The following MMD2 variants were observed in gnomAD, a reference collection of about 807,000 sequenced individuals.
MMD2 encodes the protein monocyte to macrophage differentiation factor 2.
A neutral mutation model predicts 33.5 loss-of-function variants in MMD2; 30 were observed. That is an observed-to-expected ratio of 0.90 (90% CI 0.67 to 1.22). The LOEUF is 1.22. Ranked by LOEUF, MMD2 falls within the 50% of genes most tolerant of loss-of-function variation. The pLI, the probability that MMD2 is intolerant of heterozygous loss-of-function variation, is 0.00. For missense variants in MMD2, 364 were observed against 325.4 expected (o/e 1.12, Z -0.91); for synonymous variants, 129 against 123.0 (o/e 1.05, Z -0.32).
intron 1 of MMD2, among the ~76,000 whole-genome samples, chr7:4,933,114 G>A (rs1483303429): frequency 2.6e-5 from 4 of 151,940 alleles, no homozygotes; most frequent in African/African-American, 9.7e-5. Context: ...GGCAGCTCAC[G>A]CCTGTAATCC....
intron 1 of MMD2, among the ~76,000 whole-genome samples, chr7:4,949,947 T>C (rs1786194437): frequency 1.3e-5 from 2 of 152,366 alleles, no homozygotes; most frequent in South Asian, 4.1e-4. Flanking sequence ...ACAAATGACC[T>C]GCCCACGTTA....
intron 3 of MMD2, 106 bp from the exon 4 acceptor site, chr7:4,916,185 G>C (rs1315584075): frequency 2.9e-6 from 3 of 1,017,056 alleles, no homozygotes; most frequent in Non-Finnish European, 4.5e-6. Context: ...CAGGTTAGCA[G>C]GGCTGGGCTC....
the MMD2 span, among the ~76,000 whole-genome samples, chr7:4,893,537 A>T: frequency 2.6e-5 from 4 of 151,930 alleles, no homozygotes; most frequent in African/African-American, 7.3e-5. Context: ...GATTACAGAC[A>T]TGCACCACCA....
intron 1 of MMD2, among the ~76,000 whole-genome samples, chr7:4,927,031 A>T (rs1473163947): frequency 6.6e-6 from 1 of 151,826 alleles, no homozygotes; most frequent in Non-Finnish European, 1.5e-5. Flanking sequence ...GGCGTGAGCC[A>T]CCGCGCCCGG....
chr7:4,955,532 G>A (rs1465501195), intron 1 of MMD2, among the ~76,000 whole-genome samples: 1 of 152,030 alleles, frequency 6.6e-6, no homozygotes, highest in Non-Finnish European at 1.5e-5. Context: ...AATTCAGACG[G>A]GCTGTAAGTA....
At chr7:4,938,490 T>G (rs763436415) in intron 1 of MMD2, among the ~76,000 whole-genome samples, 1 of 152,110 alleles carries the variant, frequency 6.6e-6, no homozygotes, top group Non-Finnish European at 1.5e-5. Context: ...AAGCCACTAA[T>G]GCCTCACCCT....
chr7:4,931,022 T>C (rs1044777892), intron 1 of MMD2, among the ~76,000 whole-genome samples: 1 of 152,108 alleles, frequency 6.6e-6, no homozygotes, highest in Non-Finnish European at 1.5e-5. Flanking sequence ...GGCTATTTTT[T>C]GTATTTTTAG....
intron 1 of MMD2, among the ~76,000 whole-genome samples, chr7:4,925,912 C>G (rs1191592713): frequency 6.6e-6 from 1 of 152,172 alleles, no homozygotes; most frequent in Admixed American, 6.6e-5. Context: ...CTCCCAAGTT[C>G]AAGCAATTCT....
intron 1 of MMD2, among the ~76,000 whole-genome samples, chr7:4,953,555 C>T (rs1786307241): frequency 6.6e-6 from 1 of 150,944 alleles, no homozygotes; most frequent in Admixed American, 6.7e-5. Context: ...ACTGCAACCT[C>T]TGCCTCCCAA....
At chr7:4,944,698 T>C (rs1035258327) in intron 1 of MMD2, among the ~76,000 whole-genome samples, 4 of 152,048 alleles carry the variant, frequency 2.6e-5, no homozygotes, top group African/African-American at 9.7e-5. Context: ...CTTCTGGTCT[T>C]TTCAGTCCTG....
At chr7:4,895,164 G>A in the MMD2 span, among the ~76,000 whole-genome samples, 2 of 148,668 alleles carry the variant, frequency 1.3e-5, no homozygotes, top group Admixed American at 6.8e-5. Context: ...TGCAACCTCC[G>A]CTCCCAGGTT....
At chr7:4,926,920 A>AT (rs1465826622) in intron 1 of MMD2, among the ~76,000 whole-genome samples, 2 of 151,500 alleles carry the variant, frequency 1.3e-5, no homozygotes, top group Non-Finnish European at 2.9e-5. Context: ...GATTTTTTAT[A>AT]TTTTTAGTAG....
intron 2 of MMD2, among the ~76,000 whole-genome samples, chr7:4,922,259 A>G (rs768878164): frequency 6.6e-6 from 1 of 151,474 alleles, no homozygotes; most frequent in Non-Finnish European, 1.5e-5. Context: ...CAATCTTATT[A>G]CATCATCTTA....
At chr7:4,903,195 G>A (rs1376818514), downstream of MMD2, among the ~76,000 whole-genome samples, 10 of 152,212 alleles carry the variant, frequency 6.6e-5, no homozygotes, top group South Asian at 2.1e-4. Context: ...CCGAGATTGC[G>A]CCACTGCACT....
In MMD2 at chr7:4,940,380, G is replaced by A. The variant is rs1044982258; in HGVS notation, c.48-14848C>T. Among the ~76,000 whole-genome samples, 6 of 152,166 alleles carry A rather than the reference G, an allele frequency of 3.9e-5. No homozygotes were observed. The highest frequency in any genetic ancestry group is 7.2e-5 in the African/African-American group (3 of 41,434). ...CATGAATGAGCCCGGGCCCCGGAAC[G>A]CGGCTGCAGCCACCCCTCCCAGGCT... On this transcript the variant is annotated intron_variant, in intron 1 of 6. Coordinates refer to ENST00000401401, the MANE Select transcript of MMD2 (RefSeq NM_198403.4). The surrounding 1 kb of genome is among the most constrained non-coding windows in gnomAD (Gnocchi z 5.0).
intron 4 of MMD2, among the ~76,000 whole-genome samples, chr7:4,912,929 C>G (rs1018161731): frequency 3.3e-5 from 5 of 152,144 alleles, no homozygotes; most frequent in African/African-American, 1.2e-4. Flanking sequence ...GTCTCAAACT[C>G]CTGACCTCAG....
chr7:4,931,224 C>A (rs1260659942), intron 1 of MMD2, among the ~76,000 whole-genome samples: 2 of 152,150 alleles, frequency 1.3e-5, no homozygotes, highest in Non-Finnish European at 2.9e-5. Context: ...TAGCTCACTG[C>A]AGCCTCGACC....
chr7:4,955,506 G>A (rs1786360476), intron 1 of MMD2, among the ~76,000 whole-genome samples: 1 of 152,094 alleles, frequency 6.6e-6, no homozygotes, highest in African/African-American at 2.4e-5. Flanking sequence ...TTGAGCACTT[G>A]GAATTGACTA....
intron 4 of MMD2, among the ~76,000 whole-genome samples, chr7:4,913,451 T>G (rs993113360): frequency 1.3e-5 from 2 of 152,084 alleles, no homozygotes; most frequent in Non-Finnish European, 2.9e-5. Context: ...GCGCAGTGTC[T>G]CACGCCTGTA....
Sources: gnomAD v4.1 joint callset for allele counts (sites outside exome capture counted in the v4.1 genomes callset) on GRCh38, gnomAD v4.1.1 for gene constraint, Gnocchi (gnomAD v3.1) non-coding constraint, MANE v1.5 for transcripts, NCBI Gene and HGNC (gene_info 2026-07-23, HGNC 2026-07-21) for gene names.